The following TMEM132D variants were observed in gnomAD, a reference collection of about 807,000 sequenced individuals.
TMEM132D encodes transmembrane protein 132D, also known as mature OL transmembrane protein.
TMEM132D carries 21 observed loss-of-function variants against 62.3 expected under a neutral mutation model. The ratio of observed to expected loss-of-function variants is 0.34; its 90% CI spans 0.24 to 0.49. TMEM132D has a LOEUF of 0.49. Ranked by LOEUF, TMEM132D falls within the 20% of genes least tolerant of loss-of-function variation. The pLI is 0.99. For missense variants in TMEM132D, 1,346 were observed against 1,402.8 expected, an observed-to-expected ratio of 0.96 and a Z score of 0.65; for synonymous variants, 621 against 575.6, an observed-to-expected ratio of 1.08 and a Z score of -1.13.
chr12:129,203,693 G>C (rs1052421603), intron 5 of TMEM132D, among the ~76,000 whole-genome samples: 1 of 152,212 alleles, frequency 6.6e-6, no homozygotes, highest in African/African-American at 2.4e-5. Context: ...ATAGCCAGAC[G>C]TGTCACACCC....
chr12:129,669,470 C>A lies in TMEM132D; in HGVS notation c.968+30340G>T, dbSNP rs140083954. On this transcript the variant is annotated intron_variant, in intron 2 of 8. Transcript: ENST00000422113. ...CTGTAATCCCAGCACTCTGAGAGGC[C>A]GAGGTGGGCAGATCACCTGAGATCA... is the stretch of plus-strand genomic sequence containing the variant. Among the ~76,000 whole-genome samples the A allele has an allele frequency of 3.5e-3, 526 of 152,162 alleles. 1 individual carries two copies. Among genetic ancestry groups the A allele is most frequent in the Admixed American group, 5.7e-3 (87 of 15,274 alleles).
intron 2 of TMEM132D, among the ~76,000 whole-genome samples, chr12:129,578,183 G>A (rs893700808): frequency 2.6e-5 from 4 of 152,028 alleles, no homozygotes; most frequent in South Asian, 2.1e-4. Flanking sequence ...TCGAGCCTTC[G>A]GTCTCAGGCT....
chr12:129,415,453 TCCTA>T (rs1872089383), intron 3 of TMEM132D, among the ~76,000 whole-genome samples: 1 of 152,188 alleles, frequency 6.6e-6, no homozygotes, highest in Admixed American at 6.5e-5. Context: ...GAAGTTCTGT[TCCTA>T]CCATTTGAAA....
chr12:129,421,309 GACAATT>G (rs1872318382), intron 3 of TMEM132D, among the ~76,000 whole-genome samples: 1 of 13,478 alleles, frequency 7.4e-5, no homozygotes, highest in Non-Finnish European at 1.6e-4. Context: ...TGTATCACAA[GACAATT>G]GTATTCAGCA....
chr12:129,694,220 C>T (rs887043533), intron 2 of TMEM132D, among the ~76,000 whole-genome samples: 11 of 152,148 alleles, frequency 7.2e-5, no homozygotes, highest in African/African-American at 1.2e-4. Context: ...GTGGGCTGTA[C>T]GCACCCTCGA....
intron 1 of TMEM132D, among the ~76,000 whole-genome samples, chr12:129,829,785 C>T (rs1373988167): frequency 6.6e-6 from 1 of 152,162 alleles, no homozygotes; most frequent in Non-Finnish European, 1.5e-5. Flanking sequence ...CACACTTCAT[C>T]TGAAATCATC....
intron 2 of TMEM132D, among the ~76,000 whole-genome samples, chr12:129,575,179 T>C (rs570543286): frequency 4.9e-4 from 75 of 151,936 alleles, no homozygotes; most frequent in Non-Finnish European, 8.4e-4. Context: ...TTTCTCTAGC[T>C]TACTTGATTC....
chr12:129,616,424 T>C (rs1001087496), intron 2 of TMEM132D, among the ~76,000 whole-genome samples: 3 of 152,156 alleles, frequency 2.0e-5, no homozygotes, highest in South Asian at 2.1e-4. Context: ...TATTTGCTGA[T>C]ATGAGAGATG....
At chr12:129,645,222 C>T (rs1257709371) in intron 2 of TMEM132D, among the ~76,000 whole-genome samples, 1 of 152,106 alleles carries the variant, frequency 6.6e-6, no homozygotes, top group African/African-American at 2.4e-5. Flanking sequence ...CATCTATTAT[C>T]TCTGAAGGAG....
At chr12:129,540,995 A>G (rs1414234834) in intron 2 of TMEM132D, among the ~76,000 whole-genome samples, 1 of 152,194 alleles carries the variant, frequency 6.6e-6, no homozygotes, top group Non-Finnish European at 1.5e-5. Flanking sequence ...CTGGATATGC[A>G]GGTGAGAAGA....
intron 3 of TMEM132D, among the ~76,000 whole-genome samples, chr12:129,376,833 A>G (rs1870794903): frequency 6.6e-6 from 1 of 152,216 alleles, no homozygotes. Flanking sequence ...GTGTTAAAGA[A>G]AAACAGAACT....
chr12:129,451,668 A>G (rs1873290883), intron 3 of TMEM132D, among the ~76,000 whole-genome samples: 1 of 152,218 alleles, frequency 6.6e-6, no homozygotes, highest in South Asian at 2.1e-4. Flanking sequence ...GGCATGCCCA[A>G]ATTGACGTTA....
At chr12:129,260,724 C>T (rs1170090048) in intron 4 of TMEM132D, among the ~76,000 whole-genome samples, 3 of 152,164 alleles carry the variant, frequency 2.0e-5, no homozygotes, top group Non-Finnish European at 4.4e-5. Context: ...CCTTTGCATC[C>T]TCGTAGCTTT....
intron 4 of TMEM132D, among the ~76,000 whole-genome samples, chr12:129,334,635 T>G (rs1021608509): frequency 6.6e-6 from 1 of 152,184 alleles, no homozygotes; most frequent in East Asian, 1.9e-4. Flanking sequence ...GTTTTTGAGA[T>G]GAAGTATTGC....
chr12:129,411,022 C>A (rs1871953944), intron 3 of TMEM132D, among the ~76,000 whole-genome samples: 1 of 151,894 alleles, frequency 6.6e-6, no homozygotes, highest in South Asian at 2.1e-4. Context: ...TAAGTGGGGT[C>A]TTGTTAACTG....
intron 3 of TMEM132D, among the ~76,000 whole-genome samples, chr12:129,501,603 C>G (rs1875143040): frequency 6.6e-6 from 1 of 151,992 alleles, no homozygotes; most frequent in Non-Finnish European, 1.5e-5. Context: ...GTCCCTAACT[C>G]AAGCGATCCT....
At chr12:129,377,098 C>T (rs1327876603) in intron 3 of TMEM132D, among the ~76,000 whole-genome samples, 2 of 152,146 alleles carry the variant, frequency 1.3e-5, no homozygotes, top group Non-Finnish European at 1.5e-5. Context: ...TCTCAGTTTA[C>T]CTTTTTAACA....
intron 5 of TMEM132D, among the ~76,000 whole-genome samples, chr12:129,145,226 C>G (rs1388535630): frequency 6.6e-6 from 1 of 152,052 alleles, no homozygotes; most frequent in African/African-American, 2.4e-5. Flanking sequence ...TCATTGTGTT[C>G]TCTCTCTTGC....
intron 2 of TMEM132D, among the ~76,000 whole-genome samples, chr12:129,599,043 A>T (rs1047987286): frequency 2.6e-5 from 4 of 152,160 alleles, no homozygotes; most frequent in Non-Finnish European, 5.9e-5. Context: ...GGTTGTTGAG[A>T]GAGAAAATGC....
Sources: allele counts gnomAD v4.1 joint callset (sites outside exome capture counted in the v4.1 genomes callset), GRCh38; gene constraint gnomAD v4.1.1; transcripts MANE v1.5; gene names NCBI Gene and HGNC (gene_info 2026-07-23, HGNC 2026-07-21).